Variants in CPSF2 observed in about 807,000 individuals in gnomAD.
CPSF2 encodes the protein cleavage and polyadenylation specificity factor subunit 2.
Under a neutral mutation model 84.2 loss-of-function variants are expected in CPSF2, and 51 were observed. The ratio of observed to expected loss-of-function variants is 0.61; its 90% CI spans 0.48 to 0.77. The LOEUF is 0.77. Ranked by LOEUF, CPSF2 falls within the 30% of genes least tolerant of loss-of-function variation. CPSF2 has a pLI of 0.00. For synonymous variants in CPSF2, 286 were observed against 311.9 expected (o/e 0.92, Z 0.87); for missense variants, 641 against 929.4 (o/e 0.69, Z 4.03).
chr14:92,129,459 G>A lies in CPSF2; in HGVS notation c.-34-1492G>A, dbSNP rs117541272. Among the ~76,000 whole-genome samples, 394 of 152,276 alleles carry A rather than the reference G, an allele frequency of 2.6e-3. 2 individuals are homozygous for A. The highest frequency in any genetic ancestry group is 0.02 in the Middle Eastern group (6 of 294). On this transcript the variant is annotated intron_variant, in intron 2 of 15. Transcript: ENST00000298875. ...AGATGTGGTGGGTTTAGCAGCCCCT[G>A]TCAGCCTCTTATGAAAGGTGGATAT...
chr14:92,143,882 G>A (rs977163331), intron 9 of CPSF2, among the ~76,000 whole-genome samples: 1 of 152,150 alleles, frequency 6.6e-6, no homozygotes, highest in Non-Finnish European at 1.5e-5. Context: ...AGTTTACCCA[G>A]AGGGTAAGCA....
rs369411839 is a variant in CPSF2, at chr14:92,143,173, A to G, written c.1019A>G (p.Asp340Gly). 6.2e-7 allele frequency: 1 copy of G among 1,614,066 alleles called. No homozygotes were observed. Among genetic ancestry groups the G allele is most frequent in the Non-Finnish European group, 8.5e-7 (1 of 1,180,010 alleles). ...GACCTGGAATGCGGATTTTCAAGGG[A>G]TCTCTTTATTCAGTGGTGTCAGGAC... ...QPDLECGFSRDLFIQWCQDPK... is the reference protein window; with the variant it reads ...QPDLECGFSRGLFIQWCQDPK... Residue 340 changes from aspartate to glycine, a missense_variant, in exon 9 of 16, where the codon GAT becomes GGT. By Grantham distance (94) the Asp-to-Gly change is moderately conservative. This residue lies in a region of CPSF2 where 430 missense variants were observed against 553.6 expected (regional missense o/e 0.78). Transcript: ENST00000298875.
intron 1 of CPSF2, among the ~76,000 whole-genome samples, chr14:92,123,246 A>G (rs1442106325): frequency 1.3e-5 from 2 of 151,936 alleles, no homozygotes; most frequent in Non-Finnish European, 2.9e-5. Context: ...CTCCTGCCTC[A>G]GACTCCCGAG....
At position 92,134,258 on chromosome 14, in the gene CPSF2, C is replaced by T. The variant is rs776614411; in HGVS notation, c.318C>T (p.His106=). ...MFMYDLYQSR[H]NTEDFTLFTL... ...TTGTGTTATTCTTTTAGTCTCGACA[C>T]AATACAGAAGATTTTACACTCTTTA... Residue 106 remains histidine, a synonymous_variant, in exon 5 of 16, where the codon CAC becomes CAT. Coordinates refer to ENST00000298875, the MANE Select transcript of CPSF2 (RefSeq NM_017437.3). The T allele has an allele frequency of 6.2e-7, 1 of 1,613,158 alleles. No individual in the cohort carries two copies. The highest frequency in any genetic ancestry group is 1.3e-5 in the African/African-American group (1 of 75,010).
rs1388848340 is a variant in CPSF2 at position 92,172,008 on chromosome 14, C to T, written c.*10264C>T. Reference sequence around the variant, plus strand: ...ACCAAGTTTCCTCCCTTTCCTCGATCCATGACAGCACCTGCCAGTTGAACC... The same window carrying T: ...ACCAAGTTTCCTCCCTTTCCTCGATTCATGACAGCACCTGCCAGTTGAACC... On this transcript the variant is annotated 3_prime_UTR_variant, in exon 16 of 16. Coordinates refer to ENST00000298875, the MANE Select transcript of CPSF2 (RefSeq NM_017437.3). The T allele has an allele frequency of 3.9e-5, 6 of 152,212 alleles. No individual in the cohort carries two copies. The highest frequency in any genetic ancestry group is 1.4e-4 in the African/African-American group (6 of 41,434). The allele number at this position is 152,212 out of a possible 1,614,324, so 9.4% of individuals were successfully genotyped here.
At chr14:92,147,932 C>T (rs564110769) in intron 9 of CPSF2, among the ~76,000 whole-genome samples, 15 of 152,280 alleles carry the variant, frequency 9.9e-5, no homozygotes, top group Admixed American at 6.5e-4. Context: ...GCTGTGTTGC[C>T]CAAGCTGGTC....
intron 11 of CPSF2, 26 bp downstream of exon 11, chr14:92,155,349 C>G (rs769803777): frequency 1.9e-6 from 3 of 1,563,018 alleles, no homozygotes; most frequent in South Asian, 1.1e-5. Context: ...AAACTTTTCT[C>G]TCTTACAAAT....
intron 1 of CPSF2, among the ~76,000 whole-genome samples, chr14:92,123,981 A>G (rs1263885799): frequency 6.6e-6 from 1 of 152,242 alleles, no homozygotes; most frequent in Admixed American, 6.5e-5. Context: ...GGCTTTATAA[A>G]GGAGTAAATA....
At position 92,171,485 on chromosome 14, in the gene CPSF2, T is replaced by C. The variant is rs1047244411; in HGVS notation, c.*9741T>C. On this transcript the variant is annotated 3_prime_UTR_variant, in exon 16 of 16. Transcript: ENST00000298875. The stretch of plus-strand genomic sequence containing the variant: ...TCCTTTGGACATACCCCATGGTTCA[T>C]TGAGCACTTCCTTGCTTTCTGGCAC... 1 of 152,230 alleles carries C rather than the reference T, an allele frequency of 6.6e-6. No homozygotes were observed. The highest frequency in any genetic ancestry group is 2.4e-5 in the African/African-American group (1 of 41,440). 9.4% of individuals were successfully genotyped at this position (152,230 alleles called of 1,614,324 possible). A position where few individuals can be genotyped will look rare whatever the true frequency, so the allele number is the denominator to read the frequency against.
At position 92,165,196 on chromosome 14, in the gene CPSF2, C is replaced by A. The variant is rs1179710965; in HGVS notation, c.*3452C>A. ...CGTTGATGTACATTTGAGTTGATTC[C>A]AAATTTTGGCTATTAAGAATGCTGC... is the stretch of plus-strand genomic sequence containing the variant. On this transcript the variant is annotated 3_prime_UTR_variant, in exon 16 of 16. Transcript: ENST00000298875. 10 of 151,720 alleles carry A rather than the reference C, an allele frequency of 6.6e-5. No individual in the cohort carries two copies. The highest frequency in any genetic ancestry group is 5.9e-5 in the Non-Finnish European group (4 of 67,970). 9.4% of individuals were successfully genotyped at this position (151,720 alleles called of 1,614,324 possible).
chr14:92,128,339 T>G (rs1162224264), intron 2 of CPSF2, among the ~76,000 whole-genome samples: 1 of 151,800 alleles, frequency 6.6e-6, no homozygotes, highest in Non-Finnish European at 1.5e-5. Context: ...AAGAATTAGC[T>G]GGGCGTGGTG....
chr14:92,132,212 G>A (rs1469852045), intron 3 of CPSF2, among the ~76,000 whole-genome samples: 4 of 151,778 alleles, frequency 2.6e-5, no homozygotes, highest in Non-Finnish European at 5.9e-5. Context: ...TTGGCTCACT[G>A]CAACTTCCGC....
intron 2 of CPSF2, among the ~76,000 whole-genome samples, chr14:92,128,407 C>T (rs543535891): frequency 2.0e-5 from 3 of 152,248 alleles, no homozygotes; most frequent in Non-Finnish European, 2.9e-5. Flanking sequence ...CACTTGAACC[C>T]GGGAGATGGA....
Position 92,155,179 on chromosome 14 carries a change from C to T in CPSF2, c.1298C>T (p.Ser433Leu), listed in dbSNP as rs759034098. Reference sequence around the variant, plus strand: ...ATTGAGGAAGATATTGACCAGCCATCAGCTCATAAGACGAAGCATGACTTG... The same window carrying T: ...ATTGAGGAAGATATTGACCAGCCATTAGCTCATAAGACGAAGCATGACTTG... ...SDIEEDIDQP[S>L]AHKTKHDLMM... The change falls in exon 11 of 16, where the codon TCA becomes TTA. Residue 433 changes from serine (S) to leucine (L), a missense_variant. Physicochemically the swap from Ser to Leu is moderately radical, Grantham distance 145. Coordinates refer to ENST00000298875, the MANE Select transcript of CPSF2 (RefSeq NM_017437.3). The T allele has an allele frequency of 1.9e-6, 3 of 1,614,022 alleles. No individual in the cohort carries two copies. Among genetic ancestry groups the T allele is most frequent in the Non-Finnish European group, 2.5e-6 (3 of 1,179,938 alleles).
At position 92,149,633 on chromosome 14, in the gene CPSF2, T is replaced by C. The variant is rs2069186002; in HGVS notation, c.1141-4725T>C. ...TTGAGGGAATAGTAAAAGTTACTAA[T>C]ATTACTAAGTTCTTTCAGTAAAAGT... On this transcript the variant is annotated intron_variant, in intron 9 of 15. Coordinates refer to ENST00000298875, the MANE Select transcript of CPSF2 (RefSeq NM_017437.3). Among the ~76,000 whole-genome samples, 5 of 152,078 alleles carry C rather than the reference T, an allele frequency of 3.3e-5. No homozygotes were observed. The South Asian group carries it at 1.0e-3, about 32-fold the overall frequency.
chr14:92,136,795 A>G (rs575005988), intron 6 of CPSF2, among the ~76,000 whole-genome samples: 3 of 152,340 alleles, frequency 2.0e-5, no homozygotes, highest in African/African-American at 7.2e-5. Flanking sequence ...AGTAAATGGT[A>G]TTGAAGGATT....
chr14:92,161,812 C>G lies in CPSF2; in HGVS notation c.*68C>G, dbSNP rs1395854183. ...AAAGGGATTCTTATCTTACTCTGAG[C>G]TTTTGATGTTTTGTTTTGTAACATA... On this transcript the variant is annotated 3_prime_UTR_variant, in exon 16 of 16. Coordinates refer to ENST00000298875, the MANE Select transcript of CPSF2 (RefSeq NM_017437.3). 3.4e-6 allele frequency: 3 copies of G among 875,144 alleles called. No individual in the cohort carries two copies. Among genetic ancestry groups the G allele is most frequent in the South Asian group, 3.5e-5 (2 of 57,180 alleles). The allele number at this position is 875,144 out of a possible 1,614,324, so 54.2% of individuals were successfully genotyped here. A position where few individuals can be genotyped will look rare whatever the true frequency, so the allele number is the denominator to read the frequency against.
At position 92,161,265 on chromosome 14, in the gene CPSF2, A is replaced by G. The variant is rs761611116; in HGVS notation, c.2256+19A>G. 6 of 1,598,172 alleles carry G rather than the reference A, an allele frequency of 3.8e-6. No homozygotes were observed. The South Asian group carries it at 6.8e-5, about 18-fold the overall frequency. On this transcript the variant is annotated intron_variant, in intron 15 of 15. Transcript: ENST00000298875. Reference sequence around the variant, plus strand: ...CCGCAGAGTAAGTGTGTTTTCAATAAGGGCTGAATTGAACACATACGTCTG... The same window carrying G: ...CCGCAGAGTAAGTGTGTTTTCAATAGGGGCTGAATTGAACACATACGTCTG...
chr14:92,130,079 A>G (rs2068896273), intron 2 of CPSF2, among the ~76,000 whole-genome samples: 1 of 152,176 alleles, frequency 6.6e-6, no homozygotes, highest in Non-Finnish European at 1.5e-5. Flanking sequence ...TTTTCCTGAA[A>G]TATATGTAGT....
Sources: gnomAD v4.1 joint callset for allele counts (sites outside exome capture counted in the v4.1 genomes callset) on GRCh38, gnomAD v4.1.1 for gene constraint, gnomAD v4.1.1 regional missense constraint, MANE v1.5 for transcripts, NCBI Gene and HGNC (gene_info 2026-07-23, HGNC 2026-07-21) for gene names.